Variants in BORA observed in about 807,000 individuals in gnomAD.
The protein encoded by BORA is BORA aurora kinase A activator.
In BORA, 26 loss-of-function variants were observed where a neutral mutation model predicts 55.8. The ratio of observed to expected loss-of-function variants is 0.47; its 90% confidence interval spans 0.34 to 0.65. The LOEUF (loss-of-function observed/expected upper bound fraction) is 0.65, where lower values mean the gene tolerates loss of function less well. Ranked by LOEUF, BORA falls within the 30% of genes least tolerant of loss-of-function variation. The probability of loss-of-function intolerance (pLI) is 0.01; values close to 1 mark genes in which losing one functional copy is unlikely to be tolerated. For synonymous variants in BORA, 201 were observed against 216.9 expected, an observed-to-expected ratio of 0.93 and a Z score of 0.64; for missense variants, 568 against 671.5, an observed-to-expected ratio of 0.85 and a Z score of 1.70.
At chr13:72,729,165 C>T (rs888901454) in intron 2 of BORA, 72 bp downstream of exon 2, 1 of 1,254,882 alleles carries the variant, frequency 8.0e-7, no homozygotes, top group Non-Finnish European at 1.1e-6. Context: ...TAAATGTAAA[C>T]ATCTGTCTTT....
In BORA at chr13:72,746,820, A is replaced by T; in HGVS notation, c.1191A>T (p.Thr397=). ...GTAATGAGGCTTCTACCCATGGTAC[A>T]CATTTGGTTGTGACTGCCATGTCTG... ...QFSNEASTHG[T]HLVVTAMSVT... Residue 397 remains threonine (T), a synonymous_variant, in exon 10 of 12, where the codon ACA becomes ACT. Coordinates refer to ENST00000390667, the MANE Select transcript of BORA (RefSeq NM_024808.5). The T allele has an allele frequency of 1.9e-6, 3 of 1,614,158 alleles. No individual in the cohort carries two copies. Among genetic ancestry groups the T allele is most frequent in the South Asian group, 1.1e-5 (1 of 91,088 alleles).
At chr13:72,751,962 G>C (rs2033287668) in intron 10 of BORA, among the ~76,000 whole-genome samples, 1 of 152,148 alleles carries the variant, frequency 6.6e-6, no homozygotes, top group Non-Finnish European at 1.5e-5. Flanking sequence ...GATGAGGGAA[G>C]GGCTAAAGTG....
chr13:72,736,469 C>T (rs1215109440), intron 4 of BORA, among the ~76,000 whole-genome samples: 1 of 152,080 alleles, frequency 6.6e-6, no homozygotes, highest in African/African-American at 2.4e-5. Context: ...GATTATCATT[C>T]TCATACTATT....
rs2033464961 is a variant in BORA at position 72,756,168 on chromosome 13, C to G, written c.*952C>G. 1 of 368,388 alleles carries G rather than the reference C, an allele frequency of 2.7e-6. No individual in the cohort carries two copies. 22.8% of individuals were successfully genotyped at this position (368,388 alleles called of 1,614,324 possible). On this transcript the variant is annotated 3_prime_UTR_variant, in exon 12 of 12. Transcript: ENST00000390667. ...ATCAACTTTTAAAAACTGTCTCATT[C>G]AAAAGGGAATAAAGACCTGTGTTAT... is the stretch of plus-strand genomic sequence containing the variant.
In BORA at chr13:72,735,756, TGCGCCAC is replaced by T. The variant is rs2032911411; in HGVS notation, c.306+752_306+758del. On this transcript the variant is annotated intron_variant, in intron 4 of 11. Transcript: ENST00000390667. ...TCCCGAGTAGCTGGGATTACAGGCA[TGCGCCAC>T]CACACGCAGCTAATTTTGTATTTTT... Among the ~76,000 whole-genome samples, 3 of 7,406 alleles carry T rather than the reference TGCGCCAC, an allele frequency of 4.1e-4. No homozygotes were observed. In the Non-Finnish European group the frequency reaches 0.029, roughly 73 times the overall value. 4.9% of individuals were successfully genotyped at this position (7,406 alleles called of 152,430 possible).
rs148011521 is a variant in BORA, at chr13:72,755,120, T to C, written c.1615-31T>C. ...CATCCTCCAGTGGTCCTACTTAAAC[T>C]GAAAACAAGGTATTGTCTTCTTTTT... On this transcript the variant is annotated intron_variant, in intron 11 of 11. Coordinates refer to ENST00000390667, the MANE Select transcript of BORA (RefSeq NM_024808.5). The C allele has an allele frequency of 1.0e-3, 1,668 of 1,600,454 alleles. 17 individuals are homozygous for C. The African/African-American group carries it at 0.018, about 17-fold the overall frequency.
intron 3 of BORA, among the ~76,000 whole-genome samples, chr13:72,732,634 G>T (rs1021794873): frequency 7.2e-5 from 11 of 152,124 alleles, no homozygotes; most frequent in African/African-American, 2.7e-4. Context: ...CTGAGATCAT[G>T]CCATTGCACT....
Position 72,738,003 on chromosome 13 carries a change from T to C in BORA, c.348T>C (p.Asp116=). ...TCATCGTACCCTCTCCTTGGACTGA[T>C]CATGAAGGGAAACAGCTTTCACAAT... ...KDVIVPSPWT[D]HEGKQLSQCH... is the part of the protein sequence containing the mutation. Residue 116 remains aspartate, a synonymous_variant, in exon 5 of 12, where the codon GAT becomes GAC. Transcript: ENST00000390667. 2 of 1,601,882 alleles carry C rather than the reference T, an allele frequency of 1.2e-6. No individual in the cohort carries two copies. Among genetic ancestry groups the C allele is most frequent in the Non-Finnish European group, 1.7e-6 (2 of 1,172,356 alleles).
chr13:72,745,017 C>A lies in BORA; in HGVS notation c.548C>A (p.Ser183Tyr). Reference sequence around the variant, plus strand: ...AGAGCTGATGAATTTGCAGATCAATCTCCTGGAAACCTCAGTTCTTCATCC... The same window carrying A: ...AGAGCTGATGAATTTGCAGATCAATATCCTGGAAACCTCAGTTCTTCATCC... Reference protein sequence around the residue: ...YFRADEFADQSPGNLSSSSLR... With the variant: ...YFRADEFADQYPGNLSSSSLR... Residue 183 changes from serine to tyrosine, a missense_variant, in exon 8 of 12, where the codon TCT becomes TAT. Ser to Tyr is a moderately radical substitution (Grantham distance 144). Coordinates refer to ENST00000390667, the MANE Select transcript of BORA (RefSeq NM_024808.5). 6.2e-7 allele frequency: 1 copy of A among 1,614,044 alleles called. No individual in the cohort carries two copies. The highest frequency in any genetic ancestry group is 8.5e-7 in the Non-Finnish European group (1 of 1,179,956).
Position 72,753,624 on chromosome 13 carries a change from T to C in BORA, c.1483-66T>C, listed in dbSNP as rs938734559. 4 of 1,490,946 alleles carry C rather than the reference T, an allele frequency of 2.7e-6. No individual in the cohort carries two copies. The African/African-American group carries it at 5.6e-5, about 21-fold the overall frequency. The allele number at this position is 1,490,946 out of a possible 1,614,324, so 92.4% of individuals were successfully genotyped here. ...GTAGTGAATGAGAGTTTATAGTGGT[T>C]TACTTATTTAAATATTTGACTTTTA... On this transcript the variant is annotated intron_variant, in intron 10 of 11. Coordinates refer to ENST00000390667, the MANE Select transcript of BORA (RefSeq NM_024808.5).
intron 3 of BORA, among the ~76,000 whole-genome samples, chr13:72,732,023 A>G (rs1176585318): frequency 2.0e-5 from 3 of 152,178 alleles, no homozygotes; most frequent in Non-Finnish European, 4.4e-5. Flanking sequence ...GTAAGGTCCT[A>G]TTATTCTTTT....
intron 6 of BORA, among the ~76,000 whole-genome samples, 181 bp downstream of exon 6, chr13:72,743,783 G>T (rs1185764486): frequency 5.3e-5 from 8 of 151,500 alleles, no homozygotes; most frequent in Admixed American, 5.3e-4. Flanking sequence ...GAGTGCAGTG[G>T]CACAATCAAG....
intron 1 of BORA, chr13:72,728,250 A>G: frequency 1.4e-6 from 1 of 703,326 alleles, no homozygotes; most frequent in Non-Finnish European, 2.6e-6. Flanking sequence ...TTTCCACCCC[A>G]CCCCGCCAAG....
chr13:72,742,203 A>G (rs1340780957), intron 5 of BORA, among the ~76,000 whole-genome samples: 6 of 115,752 alleles, frequency 5.2e-5, no homozygotes, highest in African/African-American at 1.7e-4. Context: ...AGGTTACTAC[A>G]CTCTATTTTG....
intron 9 of BORA, 82 bp from the exon 10 acceptor site, chr13:72,746,419 T>C: frequency 6.9e-7 from 1 of 1,450,354 alleles, no homozygotes; most frequent in Non-Finnish European, 9.2e-7. Context: ...TTTCCTGGCA[T>C]GAAACATGAT....
intron 3 of BORA, among the ~76,000 whole-genome samples, chr13:72,734,213 C>T (rs1035040969): frequency 1.3e-5 from 2 of 152,180 alleles, no homozygotes; most frequent in East Asian, 3.9e-4. Flanking sequence ...AGAAAAAATT[C>T]TGAGACAAAA....
At chr13:72,745,285 G>A (rs1056073489) in intron 8 of BORA, 78 bp downstream of exon 8, 15 of 1,212,368 alleles carry the variant, frequency 1.2e-5, no homozygotes, top group Non-Finnish European at 1.8e-5. Flanking sequence ...TCTATCTTAG[G>A]CTTTCAGCAG....
In BORA at chr13:72,755,113, C is replaced by A. The variant is rs143482374; in HGVS notation, c.1615-38C>A. 1,650 of 1,590,088 alleles carry A rather than the reference C, an allele frequency of 1.0e-3. 17 individuals are homozygous for A. In the African/African-American group the frequency reaches 0.018, roughly 17 times the overall value. On this transcript the variant is annotated intron_variant, in intron 11 of 11. Coordinates refer to ENST00000390667, the MANE Select transcript of BORA (RefSeq NM_024808.5). Reference sequence around the variant, plus strand: ...ATAATTGCATCCTCCAGTGGTCCTACTTAAACTGAAAACAAGGTATTGTCT... The same window carrying A: ...ATAATTGCATCCTCCAGTGGTCCTAATTAAACTGAAAACAAGGTATTGTCT...
chr13:72,748,057 AGAAG>A (rs1323717081), intron 10 of BORA, among the ~76,000 whole-genome samples: 2 of 152,196 alleles, frequency 1.3e-5, no homozygotes, highest in Non-Finnish European at 2.9e-5. Context: ...GAACTTCTTT[AGAAG>A]TTCTGACTTT....
Sources: gnomAD v4.1 joint callset for allele counts (sites outside exome capture counted in the v4.1 genomes callset) on GRCh38, gnomAD v4.1.1 for gene constraint, MANE v1.5 for transcripts, NCBI Gene and HGNC (gene_info 2026-07-23, HGNC 2026-07-21) for gene names.